Variants in THEMIS observed in about 807,000 individuals in gnomAD.
The protein encoded by THEMIS is protein THEMIS.
In THEMIS, 37 loss-of-function variants were observed where a neutral mutation model predicts 52.6. That is an observed-to-expected ratio of 0.70 (90% CI 0.54 to 0.93). The LOEUF (loss-of-function observed/expected upper bound fraction) is 0.93, where lower values mean the gene tolerates loss of function less well. Ranked by LOEUF, THEMIS falls within the 40% of genes least tolerant of loss-of-function variation. THEMIS has a pLI of 0.00. For missense variants in THEMIS, 808 were observed against 763.1 expected, an observed-to-expected ratio of 1.06 and a Z score of -0.69; for synonymous variants, 292 against 272.7, an observed-to-expected ratio of 1.07 and a Z score of -0.70.
At chr6:127,915,558 G>A (rs1781504906) in intron 1 of THEMIS, among the ~76,000 whole-genome samples, 1 of 142,612 alleles carries the variant, frequency 7.0e-6, no homozygotes, top group South Asian at 2.2e-4. Flanking sequence ...GAGGGGGCTA[G>A]GGGTGGGGAG....
At chr6:127,748,836 C>T (rs988094384) in intron 4 of THEMIS, among the ~76,000 whole-genome samples, 5 of 151,966 alleles carry the variant, frequency 3.3e-5, no homozygotes, top group Non-Finnish European at 5.9e-5. Flanking sequence ...TATTTAGATG[C>T]TTTATTGAGT....
intron 4 of THEMIS, among the ~76,000 whole-genome samples, chr6:127,784,872 T>C (rs1776870398): frequency 1.3e-5 from 2 of 152,164 alleles, no homozygotes; most frequent in South Asian, 4.1e-4. Flanking sequence ...CTCTAACAAC[T>C]GAAAGAGCCC....
intron 4 of THEMIS, among the ~76,000 whole-genome samples, chr6:127,768,823 A>G (rs1320597735): frequency 6.6e-6 from 1 of 152,190 alleles, no homozygotes; most frequent in African/African-American, 2.4e-5. Flanking sequence ...ATCACCTTTT[A>G]AATATTGGCT....
rs1777958827 is a variant in THEMIS at position 127,812,894 on chromosome 6, TG to T, written c.1746del (p.Lys583SerfsTer8). On this transcript the variant is annotated frameshift_variant, in exon 4 of 6. Transcript: ENST00000368248. LOFTEE classifies it high-confidence loss of function. ...AACCATAGCCTTACCTTGGGAGACT[TG>T]GGCAGGTCTACCGTCCTTTCTTCTG... is the stretch of plus-strand genomic sequence containing the variant. ...TLAEERTVDLPKSPKRHHVDI... is the reference protein window; with the variant it reads ...TLAEERTVDLXKSPKRHHVDI... 6.3e-7 allele frequency: 1 copy of T among 1,598,330 alleles called. No individual in the cohort carries two copies. Among genetic ancestry groups the T allele is most frequent in the East Asian group, 2.2e-5 (1 of 44,716 alleles).
At chr6:127,800,170 A>G (rs1777484019) in intron 4 of THEMIS, among the ~76,000 whole-genome samples, 2 of 152,204 alleles carry the variant, frequency 1.3e-5, no homozygotes, top group South Asian at 4.1e-4. Context: ...TTGTATGAGG[A>G]CTAAATGAGT....
At chr6:127,703,057 T>G in the THEMIS span, among the ~76,000 whole-genome samples, 61 of 116,924 alleles carry the variant, frequency 5.2e-4, no homozygotes, top group Non-Finnish European at 6.8e-4. Flanking sequence ...TTTTTTTTTT[T>G]TTTTTTTTGA....
intron 1 of THEMIS, among the ~76,000 whole-genome samples, chr6:127,858,504 C>T (rs189855863): frequency 2.6e-5 from 4 of 152,166 alleles, no homozygotes; most frequent in Non-Finnish European, 4.4e-5. Context: ...GTCGCTAAAA[C>T]TGGAAATCTT....
intron 2 of THEMIS, among the ~76,000 whole-genome samples, chr6:127,841,388 C>T (rs936009439): frequency 1.3e-5 from 2 of 152,100 alleles, no homozygotes. Flanking sequence ...CCTGCTGGTA[C>T]TGTTAAGGTA....
At position 127,759,993 on chromosome 6, in the gene THEMIS, T is replaced by C. The variant is rs116374709; in HGVS notation, c.1759-40170A>G. Reference sequence around the variant, plus strand: ...TATGTAGCTTCCCAACTGAAAACCCTATGATTTTTACAGTGTCAAGTCTTA... The same window carrying C: ...TATGTAGCTTCCCAACTGAAAACCCCATGATTTTTACAGTGTCAAGTCTTA... On this transcript the variant is annotated intron_variant, in intron 4 of 5. Transcript: ENST00000368248. Among the ~76,000 whole-genome samples, 485 of 152,100 alleles carry C rather than the reference T, an allele frequency of 3.2e-3. 2 individuals carry two copies. The highest frequency in any genetic ancestry group is 0.011 in the African/African-American group (470 of 41,504).
At chr6:127,885,681 C>T (rs540010518) in intron 1 of THEMIS, among the ~76,000 whole-genome samples, 1 of 152,094 alleles carries the variant, frequency 6.6e-6, no homozygotes, top group African/African-American at 2.4e-5. Context: ...ATATTTAATA[C>T]ATCCAAAATA....
At chr6:127,816,535 C>T (rs1778141843) in intron 3 of THEMIS, among the ~76,000 whole-genome samples, 1 of 152,130 alleles carries the variant, frequency 6.6e-6, no homozygotes, top group South Asian at 2.1e-4. Context: ...CAGTTCAGTC[C>T]ATAAATCTCA....
intron 1 of THEMIS, among the ~76,000 whole-genome samples, chr6:127,878,199 T>C (rs1250181505): frequency 1.3e-5 from 2 of 152,216 alleles, no homozygotes; most frequent in African/African-American, 2.4e-5. Context: ...ATTCCTGTTC[T>C]TGCAAAGTGG....
intron 4 of THEMIS, among the ~76,000 whole-genome samples, chr6:127,747,244 T>G (rs1412916008): frequency 7.1e-6 from 1 of 139,996 alleles, no homozygotes; most frequent in Non-Finnish European, 1.5e-5. Context: ...ATGCATATTA[T>G]AGCTATCTAT....
chr6:127,719,551 G>T, intron 5 of THEMIS, 137 bp downstream of exon 5: 2 of 660,042 alleles, frequency 3.0e-6, no homozygotes. Context: ...ATTTCAATGT[G>T]ATTGGCAGAG....
chr6:127,855,300 T>C lies in THEMIS; in HGVS notation c.92-112A>G, dbSNP rs538988099. ...TAATTCAGTTCCTCTCTTAGCTACC[T>C]GCTAAACAGGAATTTAATCAAGCTT... On this transcript the variant is annotated intron_variant, in intron 1 of 5. Transcript: ENST00000368248. 4.3e-4 allele frequency: 368 copies of C among 861,734 alleles called. 1 individual carries two copies. In the African/African-American group the frequency reaches 6.0e-3, roughly 14 times the overall value. 53.4% of individuals were successfully genotyped at this position (861,734 alleles called of 1,614,324 possible). A position where few individuals can be genotyped will look rare whatever the true frequency, so the allele number is the denominator to read the frequency against.
intron 1 of THEMIS, among the ~76,000 whole-genome samples, chr6:127,883,690 A>G (rs2114439732): frequency 6.6e-6 from 1 of 152,190 alleles, no homozygotes; most frequent in Middle Eastern, 3.4e-3. Context: ...TTTTCAGTAC[A>G]GTATCAATGT....
intron 4 of THEMIS, among the ~76,000 whole-genome samples, chr6:127,760,153 T>C (rs1193894603): frequency 1.3e-5 from 2 of 151,934 alleles, no homozygotes; most frequent in Non-Finnish European, 2.9e-5. Context: ...TTCTTCCTTA[T>C]TATGTATTCT....
chr6:127,842,886 G>A (rs1779096411), intron 2 of THEMIS, among the ~76,000 whole-genome samples: 1 of 151,868 alleles, frequency 6.6e-6, no homozygotes, highest in African/African-American at 2.4e-5. Flanking sequence ...GAGACATGAA[G>A]TTTATCCTGC....
intron 4 of THEMIS, among the ~76,000 whole-genome samples, chr6:127,749,484 A>G (rs556382468): frequency 2.6e-5 from 4 of 152,168 alleles, no homozygotes; most frequent in African/African-American, 9.6e-5. Flanking sequence ...TTATTTTTAA[A>G]AATGTTCTAT....
Sources: gnomAD v4.1 joint callset for allele counts (sites outside exome capture counted in the v4.1 genomes callset) on GRCh38, gnomAD v4.1.1 for gene constraint, MANE v1.5 for transcripts, NCBI Gene and HGNC (gene_info 2026-07-23, HGNC 2026-07-21) for gene names.